Variants in CNTN4 observed in about 807,000 individuals in gnomAD.
The protein encoded by CNTN4 is contactin 4, also known as contactin-4.
CNTN4 carries 77 observed loss-of-function variants against 122.5 expected under a neutral mutation model. The ratio of observed to expected loss-of-function variants is 0.63; its 90% confidence interval spans 0.52 to 0.76. The LOEUF (loss-of-function observed/expected upper bound fraction) is 0.76. Ranked by LOEUF, CNTN4 falls within the 30% of genes least tolerant of loss-of-function variation. The pLI, the probability that CNTN4 is intolerant of heterozygous loss-of-function variation, is 0.00. For synonymous variants in CNTN4, 512 were observed against 447.0 expected, an observed-to-expected ratio of 1.15 and a Z score of -1.83; for missense variants, 1,256 against 1,259.1, an observed-to-expected ratio of 1.00 and a Z score of 0.04.
chr3:2,360,366 C>G (rs1237278586), intron 3 of CNTN4, among the ~76,000 whole-genome samples: 4 of 152,046 alleles, frequency 2.6e-5, no homozygotes, highest in Non-Finnish European at 5.9e-5. Flanking sequence ...TTTGCTCCCC[C>G]CACCCCTTAA....
At chr3:3,048,964 C>T (rs1326058968) in intron 23 of CNTN4, among the ~76,000 whole-genome samples, 1 of 152,152 alleles carries the variant, frequency 6.6e-6, no homozygotes, top group Non-Finnish European at 1.5e-5. Context: ...GTTTTAGTAT[C>T]ACAAATTAAA....
At chr3:2,370,386 A>G (rs2045587059) in intron 3 of CNTN4, among the ~76,000 whole-genome samples, 1 of 152,236 alleles carries the variant, frequency 6.6e-6, no homozygotes, top group Non-Finnish European at 1.5e-5. Flanking sequence ...TAAAATGGTC[A>G]TGAAAATGAT....
intron 13 of CNTN4, among the ~76,000 whole-genome samples, chr3:2,946,965 C>G (rs1003686503): frequency 5.3e-5 from 8 of 152,082 alleles, no homozygotes; most frequent in Non-Finnish European, 1.2e-4. Flanking sequence ...CTTGTCCTCC[C>G]AAAGTGCTGG....
At chr3:2,434,150 TAAA>T (rs2048177142) in intron 3 of CNTN4, among the ~76,000 whole-genome samples, 1 of 152,202 alleles carries the variant, frequency 6.6e-6, no homozygotes, top group African/African-American at 2.4e-5. Context: ...GAGTAAATTT[TAAA>T]TGTTTTGCCA....
chr3:2,777,072 C>G (rs2091352283), intron 6 of CNTN4, among the ~76,000 whole-genome samples: 1 of 152,106 alleles, frequency 6.6e-6, no homozygotes, highest in Non-Finnish European at 1.5e-5. Context: ...CCTCTGCCTC[C>G]CAGGTTCAGG....
intron 3 of CNTN4, among the ~76,000 whole-genome samples, chr3:2,339,546 T>C (rs1226519477): frequency 1.3e-5 from 2 of 152,288 alleles, no homozygotes; most frequent in East Asian, 3.9e-4. Context: ...GGGAATAAAG[T>C]TGTTGTACTT....
intron 13 of CNTN4, among the ~76,000 whole-genome samples, chr3:2,972,973 G>A (rs1029135941): frequency 6.6e-6 from 1 of 151,814 alleles, no homozygotes; most frequent in Non-Finnish European, 1.5e-5. Flanking sequence ...TTAGGAAAAG[G>A]CCCTTGTAGA....
rs553559390 is a variant in CNTN4, at chr3:2,865,131, C to T, written c.455-1621C>T. On this transcript the variant is annotated intron_variant, in intron 7 of 24. Transcript: ENST00000418658. ...CTTGTATATTTACACTGAGTATCCT[C>T]TTGACACCAGCATGGGGTTACTTGT... is the stretch of plus-strand genomic sequence containing the variant. 2.6e-5 allele frequency among the ~76,000 whole-genome samples: 4 copies of T among 152,276 alleles called. No homozygotes were observed. In the South Asian group the frequency reaches 8.3e-4, roughly 32 times the overall value.
intron 2 of CNTN4, among the ~76,000 whole-genome samples, chr3:2,133,648 G>T (rs1339283613): frequency 6.6e-6 from 1 of 152,098 alleles, no homozygotes; most frequent in Non-Finnish European, 1.5e-5. Flanking sequence ...AATATTTACT[G>T]ATTTGCTGTA....
intron 4 of CNTN4, among the ~76,000 whole-genome samples, chr3:2,627,533 G>A (rs143406711): frequency 0.02 from 2,619 of 133,562 alleles, 58 homozygotes; most frequent in African/African-American, 0.068. Context: ...TCACTCTGTC[G>A]CCCAGGCTGG....
chr3:2,204,730 C>G (rs2038261702), intron 2 of CNTN4, among the ~76,000 whole-genome samples: 1 of 152,032 alleles, frequency 6.6e-6, no homozygotes, highest in African/African-American at 2.4e-5. Flanking sequence ...ACTCACTATT[C>G]TCAAAGGATG....
chr3:2,941,706 T>C (rs537661738), intron 13 of CNTN4, among the ~76,000 whole-genome samples: 1 of 152,308 alleles, frequency 6.6e-6, no homozygotes, highest in Non-Finnish European at 1.5e-5. Context: ...TCCCTTCCAA[T>C]GTGTTCTCTG....
At chr3:2,266,873 T>C (rs537685539) in intron 2 of CNTN4, among the ~76,000 whole-genome samples, 1 of 152,088 alleles carries the variant, frequency 6.6e-6, no homozygotes, top group South Asian at 2.1e-4. Flanking sequence ...ATCAAAGGAG[T>C]ATGGCTTCTT....
intron 3 of CNTN4, among the ~76,000 whole-genome samples, chr3:2,349,832 C>T (rs1313339569): frequency 6.6e-6 from 1 of 152,062 alleles, no homozygotes; most frequent in African/African-American, 2.4e-5. Flanking sequence ...GTTGAAACAA[C>T]CCGAAACAAG....
intron 12 of CNTN4, among the ~76,000 whole-genome samples, chr3:2,921,921 T>C (rs2094433210): frequency 6.6e-6 from 1 of 152,162 alleles, no homozygotes; most frequent in Non-Finnish European, 1.5e-5. Flanking sequence ...GTGAATTACA[T>C]AGAGGGCTTC....
At chr3:2,394,784 G>GTTTTTTT (rs56027529) in intron 3 of CNTN4, among the ~76,000 whole-genome samples, 6 of 108,490 alleles carry the variant, frequency 5.5e-5, no homozygotes, top group Admixed American at 1.1e-4. Context: ...CCTTATATTA[G>GTTTTTTT]TTTTTTTTTT....
At chr3:2,936,203 G>T (rs369462064) in intron 13 of CNTN4, among the ~76,000 whole-genome samples, 1 of 152,238 alleles carries the variant, frequency 6.6e-6, no homozygotes, top group South Asian at 2.1e-4. Flanking sequence ...GACTTACCAT[G>T]CACCCACCTG....
At chr3:2,639,327 G>A (rs1266738386) in intron 4 of CNTN4, among the ~76,000 whole-genome samples, 1 of 151,992 alleles carries the variant, frequency 6.6e-6, no homozygotes, top group Non-Finnish European at 1.5e-5. Context: ...CTGTTAACAT[G>A]CCAGGCTTGC....
At chr3:2,786,471 G>A (rs2091837904) in intron 6 of CNTN4, among the ~76,000 whole-genome samples, 3 of 152,178 alleles carry the variant, frequency 2.0e-5, no homozygotes. Context: ...CACCCTCAAC[G>A]GGTTAAGATC....
Sources: allele counts gnomAD v4.1 joint callset (sites outside exome capture counted in the v4.1 genomes callset), GRCh38; gene constraint gnomAD v4.1.1; transcripts MANE v1.5; gene names NCBI Gene and HGNC (gene_info 2026-07-23, HGNC 2026-07-21).